ATF7: variants seen among roughly 807,000 people sequenced by gnomAD.
ATF7 encodes activating transcription factor 7.
A neutral mutation model predicts 50.4 loss-of-function variants in ATF7; 10 were observed. The observed-to-expected ratio is 0.20, with a 90% CI of 0.12 to 0.34. The LOEUF (loss-of-function observed/expected upper bound fraction) is 0.34. ATF7 is among the 10% of genes least tolerant of loss of function. The probability of loss-of-function intolerance (pLI) is 1.00; values close to 1 mark genes in which losing one functional copy is unlikely to be tolerated. For missense variants in ATF7, 465 were observed against 613.9 expected (o/e 0.76, Z 2.56); for synonymous variants, 201 against 226.4 (o/e 0.89, Z 1.01).
At chr12:53,509,217 A>C (rs553617006), downstream of ATF7, among the ~76,000 whole-genome samples, 85 of 152,244 alleles carry the variant, frequency 5.6e-4, no homozygotes, top group African/African-American at 1.9e-3. Flanking sequence ...TAGGGTGTGC[A>C]TTACTTAACA....
intron 2 of ATF7, among the ~76,000 whole-genome samples, chr12:53,561,742 T>C (rs777970141): frequency 2.6e-5 from 4 of 152,246 alleles, no homozygotes; most frequent in Non-Finnish European, 5.9e-5. Context: ...AAAAAAAAGA[T>C]GCTACTGTTT....
At chr12:53,620,141 C>G (rs953634508) in intron 1 of ATF7, among the ~76,000 whole-genome samples, 2 of 151,108 alleles carry the variant, frequency 1.3e-5, no homozygotes, top group Non-Finnish European at 2.9e-5. Flanking sequence ...AAGACCCTGT[C>G]TCAAAAAAAA....
At chr12:53,603,573 T>C (rs1379603671) in intron 1 of ATF7, among the ~76,000 whole-genome samples, 1 of 152,154 alleles carries the variant, frequency 6.6e-6, no homozygotes, top group East Asian at 1.9e-4. Context: ...AAGAAGCCTC[T>C]CTTCTTAAAC....
At chr12:53,565,172 G>T (rs1472672784) in intron 2 of ATF7, among the ~76,000 whole-genome samples, 2 of 152,036 alleles carry the variant, frequency 1.3e-5, no homozygotes, top group Non-Finnish European at 2.9e-5. Context: ...AGTTGCAGGT[G>T]CCCAATAAAT....
intron 1 of ATF7, among the ~76,000 whole-genome samples, chr12:53,616,665 G>A (rs752192215): frequency 2.5e-4 from 38 of 152,072 alleles, no homozygotes; most frequent in Admixed American, 5.9e-4. Context: ...AGGCGTGGCC[G>A]GGTGCGGTGG....
At chr12:53,517,554 A>G (rs1937787105) in intron 11 of ATF7, 200 bp from the exon 12 acceptor site, 2 of 595,700 alleles carry the variant, frequency 3.4e-6, no homozygotes, top group Non-Finnish European at 5.9e-6. Context: ...AGAAGGGAAG[A>G]ACTAGGCCAA....
chr12:53,524,600 C>A lies in ATF7; in HGVS notation c.1089G>T (p.Lys363Asn). Reference sequence around the variant, plus strand: ...TGTTCTGAGAAGTGAGTTCTTCGGCCTTCTTCTCTAGGGAGGACACCCACA... The same window carrying A: ...TGTTCTGAGAAGTGAGTTCTTCGGCATTCTTCTCTAGGGAGGACACCCACA... ...RKLWVSSLEKKAEELTSQNIQ... is the reference protein window; with the variant it reads ...RKLWVSSLEKNAEELTSQNIQ... The change falls in exon 10 of 12, where the codon AAG becomes AAT. Residue 363 changes from lysine (K) to asparagine (N), a missense_variant. By Grantham distance (94) the Lys-to-Asn change is moderately conservative. Transcript: ENST00000420353. The surrounding 1 kb of genome is among the most constrained non-coding windows in gnomAD (Gnocchi z 4.6). 6.2e-7 allele frequency: 1 copy of A among 1,614,004 alleles called. No homozygotes were observed. The highest frequency in any genetic ancestry group is 8.5e-7 in the Non-Finnish European group (1 of 1,179,900).
At chr12:53,526,492 A>G (rs1393844630) in intron 9 of ATF7, among the ~76,000 whole-genome samples, 1 of 152,220 alleles carries the variant, frequency 6.6e-6, no homozygotes, top group Non-Finnish European at 1.5e-5. Flanking sequence ...TAATACATAT[A>G]ACATACAAAA....
At chr12:53,620,512 C>T (rs1231581071) in intron 1 of ATF7, among the ~76,000 whole-genome samples, 1 of 139,850 alleles carries the variant, frequency 7.2e-6, no homozygotes, top group African/African-American at 2.7e-5. Context: ...GGAGGCGGAG[C>T]TTGCAGTGAG....
rs1944165102 is a variant in ATF7 at position 53,512,687 on chromosome 12, G to A, written c.*4450C>T. The A allele has an allele frequency of 6.6e-6, 1 of 152,194 alleles. No individual in the cohort carries two copies. The highest frequency in any genetic ancestry group is 2.1e-4 in the South Asian group (1 of 4,830). 9.4% of individuals were successfully genotyped at this position (152,194 alleles called of 1,614,324 possible). On this transcript the variant is annotated 3_prime_UTR_variant, in exon 12 of 12. Coordinates refer to ENST00000420353, the MANE Select transcript of ATF7 (RefSeq NM_006856.3). Reference sequence around the variant, plus strand: ...GTCCAGACCAATGCATGGTTTTAGGGATACGACTAAAATGAAGACAAATCT... The same window carrying A: ...GTCCAGACCAATGCATGGTTTTAGGAATACGACTAAAATGAAGACAAATCT...
rs756575213 is a variant in ATF7, at chr12:53,512,771, G to A, written c.*4366C>T. ...TTTAAAGGGAATGGAGGAAGAGACTGAAAGAAATGAAAGCATGTTAGTGCA... is the reference window on the plus strand; with the variant it reads ...TTTAAAGGGAATGGAGGAAGAGACTAAAAGAAATGAAAGCATGTTAGTGCA... On this transcript the variant is annotated 3_prime_UTR_variant, in exon 12 of 12. Transcript: ENST00000420353. 1 of 152,184 alleles carries A rather than the reference G, an allele frequency of 6.6e-6. No homozygotes were observed. Among genetic ancestry groups the A allele is most frequent in the Non-Finnish European group, 1.5e-5 (1 of 68,040 alleles). 9.4% of individuals were successfully genotyped at this position (152,184 alleles called of 1,614,324 possible).
At chr12:53,552,660 A>G in intron 2 of ATF7, 23 bp from the exon 3 acceptor site, 1 of 1,596,002 alleles carries the variant, frequency 6.3e-7, no homozygotes, top group Non-Finnish European at 8.6e-7. Context: ...AGAAATGGAG[A>G]TATGAAAAAA....
intron 2 of ATF7, among the ~76,000 whole-genome samples, chr12:53,563,471 A>AG (rs1354505282): frequency 1.6e-4 from 24 of 145,660 alleles, no homozygotes; most frequent in African/African-American, 6.1e-4. Flanking sequence ...AAAAAAAAAA[A>AG]TTAGCCAGGT....
In ATF7 at chr12:53,524,756, T is replaced by C; in HGVS notation, c.933A>G (p.Ser311=). Reference sequence around the variant, plus strand: ...CAGTACTAGGGGTGGGCTGAGCTGGTGAGACCTGGTGCCCAGGAAGGAAGA... The same window carrying C: ...CAGTACTAGGGGTGGGCTGAGCTGGCGAGACCTGGTGCCCAGGAAGGAAGA... The part of the protein sequence containing the change: ...DAPSPAQPQV[S]PAQPTPSTGG... The change falls in exon 10 of 12, where the codon TCA becomes TCG. Residue 311 remains serine, a synonymous_variant. Coordinates refer to ENST00000420353, the MANE Select transcript of ATF7 (RefSeq NM_006856.3). The surrounding 1 kb of genome is among the most constrained non-coding windows in gnomAD (Gnocchi z 4.6). 1 of 1,597,224 alleles carries C rather than the reference T, an allele frequency of 6.3e-7. No homozygotes were observed. The highest frequency in any genetic ancestry group is 1.3e-5 in the African/African-American group (1 of 74,572).
chr12:53,517,100 C>T lies in ATF7; in HGVS notation c.*37G>A, dbSNP rs755716369. On this transcript the variant is annotated 3_prime_UTR_variant, in exon 12 of 12. Transcript: ENST00000420353. ...ACATCTCTCTTGGCTCTTGGGCGGG[C>T]GAGCTCTGGCTGAGGACCTCTCCAC... The T allele has an allele frequency of 3.6e-5, 57 of 1,598,884 alleles. No homozygotes were observed. The South Asian group carries it at 5.2e-4, about 14-fold the overall frequency.
rs371447367 is a variant in ATF7 at position 53,540,449 on chromosome 12, C to T, written c.264+2881G>A. 2.0e-5 allele frequency among the ~76,000 whole-genome samples: 3 copies of T among 151,750 alleles called. No individual in the cohort carries two copies. The East Asian group carries it at 5.8e-4, about 29-fold the overall frequency. On this transcript the variant is annotated intron_variant, in intron 4 of 11. Coordinates refer to ENST00000420353, the MANE Select transcript of ATF7 (RefSeq NM_006856.3). ...ATTTAAAGACAGGGTCTGGGCCAGGCGCGGTGGCTCACGCCTATAATCCCA... is the reference window on the plus strand; with the variant it reads ...ATTTAAAGACAGGGTCTGGGCCAGGTGCGGTGGCTCACGCCTATAATCCCA...
At chr12:53,614,114 G>A (rs564149903) in intron 1 of ATF7, among the ~76,000 whole-genome samples, 1 of 152,218 alleles carries the variant, frequency 6.6e-6, no homozygotes, top group Admixed American at 6.6e-5. Flanking sequence ...AACCTACCTG[G>A]AAGCAGCTTC....
At chr12:53,578,428 C>T (rs1270408461) in intron 2 of ATF7, among the ~76,000 whole-genome samples, 8 of 146,508 alleles carry the variant, frequency 5.5e-5, no homozygotes, top group East Asian at 2.0e-4. Flanking sequence ...AACCAAAATA[C>T]GGAGAAATTG....
chr12:53,574,032 T>C (rs967125545), intron 2 of ATF7, among the ~76,000 whole-genome samples: 1 of 152,226 alleles, frequency 6.6e-6, no homozygotes, highest in Non-Finnish European at 1.5e-5. Context: ...TTACCCAGTA[T>C]ATCATGTCCA....
Sources: allele counts gnomAD v4.1 joint callset (sites outside exome capture counted in the v4.1 genomes callset), GRCh38; gene constraint gnomAD v4.1.1; non-coding constraint Gnocchi (gnomAD v3.1); transcripts MANE v1.5; gene names NCBI Gene and HGNC (gene_info 2026-07-23, HGNC 2026-07-21).